Variants in ANK2 observed in about 807,000 individuals in gnomAD.
The protein encoded by ANK2 is ankyrin-2.
ANK2 carries 83 observed loss-of-function variants against 360.5 expected under a neutral mutation model. The observed-to-expected ratio is 0.23, with a 90% CI of 0.19 to 0.28. The LOEUF (loss-of-function observed/expected upper bound fraction) is 0.28. ANK2 is among the 10% of genes least tolerant of loss of function. The pLI is 1.00. For missense variants in ANK2, 4,201 were observed against 4,795.7 expected, an observed-to-expected ratio of 0.88 and a Z score of 3.66; for synonymous variants, 1,740 against 1,759.5, an observed-to-expected ratio of 0.99 and a Z score of 0.28.
chr4:113,235,372 A>G (rs981856009), intron 5 of ANK2, among the ~76,000 whole-genome samples: 1 of 152,144 alleles, frequency 6.6e-6, no homozygotes, highest in African/African-American at 2.4e-5. Context: ...AAAAACGATT[A>G]TTATTGCTGG....
chr4:112,985,456 T>A (rs948996086), intron 2 of ANK2, among the ~76,000 whole-genome samples: 1 of 152,186 alleles, frequency 6.6e-6, no homozygotes, highest in Non-Finnish European at 1.5e-5. Flanking sequence ...CATAGTAGTG[T>A]GTTTCCCTTC....
chr4:113,320,253 CAT>C (rs552938916), intron 26 of ANK2, among the ~76,000 whole-genome samples: 153 of 152,266 alleles, frequency 1.0e-3, no homozygotes, highest in African/African-American at 3.1e-3. Context: ...TCTTTAAATT[CAT>C]AGTCTTTAAT....
chr4:113,207,243 A>G (rs2098962629), intron 4 of ANK2, among the ~76,000 whole-genome samples: 1 of 152,238 alleles, frequency 6.6e-6, no homozygotes, highest in South Asian at 2.1e-4. Context: ...CTGGGGACAG[A>G]TGGTATGGAA....
At chr4:112,880,922 C>T (rs1414343763) in intron 1 of ANK2, 1 of 152,078 alleles carries the variant, frequency 6.6e-6, no homozygotes, top group Middle Eastern at 3.2e-3. Context: ...TTGCTTGTTT[C>T]TTGTTACAGA....
At position 113,218,451 on chromosome 4, in the gene ANK2, C is replaced by CAAA. The variant is rs36042626; in HGVS notation, c.385-13697_385-13695dup. ...AGTTTAACAGTAATCATTAAATGAC[C>CAAA]AAAAAAAAAAAAAAATGACTGACAT... On this transcript the variant is annotated intron_variant, in intron 4 of 45. Transcript: ENST00000357077. Among the ~76,000 whole-genome samples, 695 of 134,462 alleles carry CAAA rather than the reference C, an allele frequency of 5.2e-3. 9 individuals are homozygous for CAAA. Among genetic ancestry groups the CAAA allele is most frequent in the African/African-American group, 0.018 (651 of 36,916 alleles). The allele number at this position is 134,462 out of a possible 152,430, so 88.2% of individuals were successfully genotyped here.
At chr4:113,137,590 T>G (rs1426883080) in intron 1 of ANK2, among the ~76,000 whole-genome samples, 1 of 152,216 alleles carries the variant, frequency 6.6e-6, no homozygotes, top group Non-Finnish European at 1.5e-5. Context: ...CCCTTAATTT[T>G]TAGAGATATA....
At chr4:112,811,765 G>A in the ANK2 span, among the ~76,000 whole-genome samples, 60 of 152,162 alleles carry the variant, frequency 3.9e-4, no homozygotes, top group South Asian at 1.0e-3. Flanking sequence ...AATAGAGTTC[G>A]CCTTATTAAT....
At chr4:113,213,388 G>A (rs1343987233) in intron 4 of ANK2, among the ~76,000 whole-genome samples, 3 of 152,152 alleles carry the variant, frequency 2.0e-5, no homozygotes, top group Non-Finnish European at 4.4e-5. Flanking sequence ...GATATCTAAT[G>A]TTCTTGATTA....
At chr4:113,151,916 A>AT in intron 1 of ANK2, among the ~76,000 whole-genome samples, 1 of 139,986 alleles carries the variant, frequency 7.1e-6, no homozygotes, top group South Asian at 2.4e-4. Flanking sequence ...AAAAAAAAAA[A>AT]AATTACTAGG....
rs186845062 is a variant in ANK2, at chr4:113,251,165, C to A, written c.990+1303C>A. Among the ~76,000 whole-genome samples the A allele has an allele frequency of 1.6e-3, 246 of 152,162 alleles. 1 individual carries two copies. The highest frequency in any genetic ancestry group is 5.7e-3 in the African/African-American group (235 of 41,518). ...CAGACCAATCATGTTACAGCCAATA[C>A]AAAAACCAATATGAAGTTGAAAATA... On this transcript the variant is annotated intron_variant, in intron 10 of 45. Coordinates refer to ENST00000357077, the MANE Select transcript of ANK2 (RefSeq NM_001148.6).
At chr4:113,314,916 G>A (rs1012747602) in intron 24 of ANK2, among the ~76,000 whole-genome samples, 4 of 151,414 alleles carry the variant, frequency 2.6e-5, no homozygotes, top group African/African-American at 4.9e-5. Context: ...CCCATAGAAA[G>A]GTAGAGACAC....
chr4:112,715,671 C>T, the ANK2 span, among the ~76,000 whole-genome samples: 5 of 152,216 alleles, frequency 3.3e-5, no homozygotes, highest in South Asian at 2.1e-4. Flanking sequence ...GCCTTGTACT[C>T]GGGCTCTGTG....
rs776141536 is a variant in ANK2, at chr4:113,367,558, G to A, written c.11033-8G>A. ...TTCAACTAAATACTTAAATCATTCTGCCTTTAGGGTTCTCGGTACTTCAAG... is the reference window on the plus strand; with the variant it reads ...TTCAACTAAATACTTAAATCATTCTACCTTTAGGGTTCTCGGTACTTCAAG... On this transcript the variant is annotated splice_polypyrimidine_tract_variant and splice_region_variant and intron_variant, in intron 41 of 45. Transcript: ENST00000357077. 6.2e-7 allele frequency: 1 copy of A among 1,613,136 alleles called. No homozygotes were observed. Among genetic ancestry groups the A allele is most frequent in the Non-Finnish European group, 8.5e-7 (1 of 1,179,704 alleles).
chr4:113,221,452 G>A (rs957021108), intron 4 of ANK2, among the ~76,000 whole-genome samples: 1 of 152,086 alleles, frequency 6.6e-6, no homozygotes, highest in Non-Finnish European at 1.5e-5. Context: ...TTGAGGTCAG[G>A]AGTTTGAGAC....
At chr4:112,855,999 G>A (rs1310933701) in intron 1 of ANK2, among the ~76,000 whole-genome samples, 1 of 152,138 alleles carries the variant, frequency 6.6e-6, no homozygotes, top group African/African-American at 2.4e-5. Context: ...CCGCCCAGGA[G>A]GTGAGTGAAT....
chr4:113,242,939 G>C (rs1377418142), intron 9 of ANK2, among the ~76,000 whole-genome samples: 1 of 152,060 alleles, frequency 6.6e-6, no homozygotes, highest in African/African-American at 2.4e-5. Context: ...TCTGAACTTA[G>C]GCTAATAATA....
chr4:113,088,150 C>T (rs2085807910), intron 1 of ANK2, among the ~76,000 whole-genome samples: 1 of 152,116 alleles, frequency 6.6e-6, no homozygotes, highest in Non-Finnish European at 1.5e-5. Context: ...TCCCTTGATG[C>T]TCTTCATTAG....
At chr4:113,379,188 ACT>A (rs1301828330) in intron 45 of ANK2, among the ~76,000 whole-genome samples, 1 of 152,166 alleles carries the variant, frequency 6.6e-6, no homozygotes, top group African/African-American at 2.4e-5. Flanking sequence ...TGCCTTTTAT[ACT>A]CTCAACTTTT....
chr4:113,285,552 A>T (rs2064120004), intron 18 of ANK2, among the ~76,000 whole-genome samples: 1 of 152,330 alleles, frequency 6.6e-6, no homozygotes, highest in African/African-American at 2.4e-5. Flanking sequence ...AAGGATGAAG[A>T]TGAGGAGACA....
Sources: allele counts gnomAD v4.1 joint callset (sites outside exome capture counted in the v4.1 genomes callset), GRCh38; gene constraint gnomAD v4.1.1; transcripts MANE v1.5; gene names NCBI Gene and HGNC (gene_info 2026-07-23, HGNC 2026-07-21).